Variants in COPB1 observed in about 807,000 individuals in gnomAD.
COPB1 encodes coat protein complex I subunit beta 1.
Under a neutral mutation model 108.7 loss-of-function variants are expected in COPB1, and 21 were observed. The observed-to-expected ratio is 0.19, with a 90% CI of 0.14 to 0.28. The LOEUF is 0.28. Ranked by LOEUF, COPB1 falls within the 10% of genes least tolerant of loss-of-function variation. COPB1 has a pLI of 1.00. For synonymous variants in COPB1, 378 were observed against 386.8 expected (o/e 0.98, Z 0.27); for missense variants, 919 against 1,141.3 (o/e 0.81, Z 2.81).
intron 2 of COPB1, chr11:14,494,818 A>G (rs539993262): frequency 1.3e-5 from 2 of 158,540 alleles, no homozygotes; most frequent in African/African-American, 4.8e-5. Context: ...TGAATTCAAA[A>G]CAGCTTTTAG....
At chr11:14,478,700 C>T (rs2134111851) in intron 11 of COPB1, among the ~76,000 whole-genome samples, 1 of 151,996 alleles carries the variant, frequency 6.6e-6, no homozygotes, top group Middle Eastern at 3.4e-3. Flanking sequence ...AATTCTCCTG[C>T]CTTGGCCTCC....
intron 6 of COPB1, 130 bp downstream of exon 6, chr11:14,488,362 T>A: frequency 2.3e-6 from 1 of 435,074 alleles, no homozygotes. Flanking sequence ...AAGGCTTTAA[T>A]AGGCTATGCT....
intron 11 of COPB1, 107 bp from the exon 12 acceptor site, chr11:14,477,122 G>T (rs550723789): frequency 1.3e-6 from 1 of 774,928 alleles, no homozygotes. Flanking sequence ...AGGCACTCAC[G>T]CCTGTAATCC....
At chr11:14,461,356 T>G in intron 18 of COPB1, 25 bp from the exon 19 acceptor site, 1 of 1,604,968 alleles carries the variant, frequency 6.2e-7, no homozygotes, top group Non-Finnish European at 8.5e-7. Context: ...ACAAAAAGAT[T>G]CGCAATCACT....
intron 8 of COPB1, among the ~76,000 whole-genome samples, chr11:14,481,843 C>T (rs1011053559): frequency 3.9e-5 from 6 of 152,094 alleles, no homozygotes; most frequent in Non-Finnish European, 8.8e-5. Context: ...GGCTGGAGTG[C>T]AGTGGCAAGA....
chr11:14,484,774 T>A (rs1365573790), intron 7 of COPB1, among the ~76,000 whole-genome samples: 1 of 152,090 alleles, frequency 6.6e-6, no homozygotes, highest in Non-Finnish European at 1.5e-5. Context: ...TACTATGCAA[T>A]TTTTCTGTAA....
At chr11:14,497,188 T>C (rs1333094339) in intron 2 of COPB1, among the ~76,000 whole-genome samples, 1 of 151,734 alleles carries the variant, frequency 6.6e-6, no homozygotes, top group African/African-American at 2.4e-5. Flanking sequence ...AACGGACAAA[T>C]GGGATCACAT....
At chr11:14,465,068 C>G (rs750351161) in intron 17 of COPB1, 38 bp from the exon 18 acceptor site, 5 of 241,882 alleles carry the variant, frequency 2.1e-5, no homozygotes, top group South Asian at 1.5e-4. Flanking sequence ...AAAATACACA[C>G]ACACACACAC....
In COPB1 at chr11:14,469,530, T is replaced by A; in HGVS notation, c.1771A>T (p.Thr591Ser). 6.2e-7 allele frequency: 1 copy of A among 1,614,210 alleles called. No homozygotes were observed. The highest frequency in any genetic ancestry group is 8.5e-7 in the Non-Finnish European group (1 of 1,180,040). ...GAGGATTTTCCCAAATGCAGGATAG[T>A]AGCCATGAGCAACATAGCCTCAGCA... ...FVAEAMLLMA[T>S]ILHLGKSSLP... The change falls in exon 15 of 22, where the codon ACT becomes TCT. Residue 591 changes from threonine to serine, a missense_variant. Physicochemically the swap from Thr to Ser is moderately conservative, Grantham distance 58. Around this residue, in one of 5 missense-constraint regions of COPB1, gnomAD observed 705 missense variants for 817.8 expected, o/e 0.86. Transcript: ENST00000439561.
chr11:14,470,242 CTGAGGCCAG>C (rs1850370154), intron 14 of COPB1, among the ~76,000 whole-genome samples: 1 of 152,168 alleles, frequency 6.6e-6, no homozygotes, highest in Non-Finnish European at 1.5e-5. Context: ...TTTTAAAGAA[CTGAGGCCAG>C]TTGTTTTATA....
At chr11:14,499,082 G>A (rs1181598478) in intron 1 of COPB1, 97 bp from the exon 2 acceptor site, 1 of 597,170 alleles carries the variant, frequency 1.7e-6, no homozygotes, top group Non-Finnish European at 2.9e-6. Flanking sequence ...GAAAGGGCAG[G>A]TCAATCTATA....
At chr11:14,499,563 A>C (rs1393238666) in intron 1 of COPB1, 144 bp downstream of exon 1, 2 of 150,120 alleles carry the variant, frequency 1.3e-5, no homozygotes, top group Admixed American at 1.3e-4. Flanking sequence ...GGAGCTTCCT[A>C]GCCCTCCGCC....
At chr11:14,477,657 G>A (rs1850557696) in intron 11 of COPB1, among the ~76,000 whole-genome samples, 1 of 152,078 alleles carries the variant, frequency 6.6e-6, no homozygotes, top group Non-Finnish European at 1.5e-5. Flanking sequence ...CACTTTGAGA[G>A]GCTGAGGCGG....
At chr11:14,481,174 G>A in intron 8 of COPB1, 77 bp from the exon 9 acceptor site, 3 of 1,047,552 alleles carry the variant, frequency 2.9e-6, no homozygotes, top group Non-Finnish European at 4.3e-6. Flanking sequence ...GCAGAATGGT[G>A]GGGTTTATCT....
chr11:14,470,897 A>AACAC (rs1418927342), intron 14 of COPB1, among the ~76,000 whole-genome samples: 2 of 104,038 alleles, frequency 1.9e-5, no homozygotes, highest in East Asian at 6.1e-4. Context: ...CAGTGGAAGA[A>AACAC]ATACACACAC....
At chr11:14,482,929 C>T in intron 8 of COPB1, 103 bp downstream of exon 8, 3 of 1,051,416 alleles carry the variant, frequency 2.9e-6, no homozygotes, top group Non-Finnish European at 4.0e-6. Flanking sequence ...ATAAACTGCT[C>T]AGTTTCCAAG....
chr11:14,475,771 G>A lies in COPB1; in HGVS notation c.1616+14C>T. 1 of 1,543,078 alleles carries A rather than the reference G, an allele frequency of 6.5e-7. No individual in the cohort carries two copies. Among genetic ancestry groups the A allele is most frequent in the Non-Finnish European group, 8.7e-7 (1 of 1,147,158 alleles). On this transcript the variant is annotated intron_variant, in intron 13 of 21. Transcript: ENST00000439561. ...AAGTAGTACAGCTGGCAGGGTATAT[G>A]TGCCATAAATTACCTGTCTTCCTCT...
At position 14,469,573 on chromosome 11, in the gene COPB1, TAAAGA is replaced by T; in HGVS notation, c.1738-15_1738-11del. On this transcript the variant is annotated splice_polypyrimidine_tract_variant and intron_variant, in intron 14 of 21. Coordinates refer to ENST00000439561, the MANE Select transcript of COPB1 (RefSeq NM_001144061.2). ...CCTCAGCAACAAAAGACTAAGAAAG[TAAAGA>T]AATCGGTTACTGATATTGTCTTGAT... The T allele has an allele frequency of 1.9e-6, 3 of 1,606,718 alleles. No homozygotes were observed. Among genetic ancestry groups the T allele is most frequent in the Non-Finnish European group, 2.6e-6 (3 of 1,173,508 alleles).
chr11:14,490,721 A>G lies in COPB1; in HGVS notation c.492-42T>C, dbSNP rs199553023. ...TAACATCCATATTTAATAAAAGCCT[A>G]CTTTACTATTTTAGTAACTCTCTGG... On this transcript the variant is annotated intron_variant, in intron 4 of 21. Coordinates refer to ENST00000439561, the MANE Select transcript of COPB1 (RefSeq NM_001144061.2). 4.6e-5 allele frequency: 50 copies of G among 1,087,152 alleles called. No homozygotes were observed. The East Asian group carries it at 1.2e-3, about 27-fold the overall frequency. 67.3% of individuals were successfully genotyped at this position (1,087,152 alleles called of 1,614,324 possible). A position where few individuals can be genotyped will look rare whatever the true frequency, so the allele number is the denominator to read the frequency against.
Sources: gnomAD v4.1 joint callset for allele counts (sites outside exome capture counted in the v4.1 genomes callset) on GRCh38, gnomAD v4.1.1 for gene constraint, gnomAD v4.1.1 regional missense constraint, MANE v1.5 for transcripts, NCBI Gene and HGNC (gene_info 2026-07-23, HGNC 2026-07-21) for gene names.